TAS2R1: variants seen among roughly 807,000 people sequenced by gnomAD.
The protein encoded by TAS2R1 is taste receptor type 2 member 1.
For synonymous variants in TAS2R1, 141 were observed against 134.2 expected (o/e 1.05, Z -0.35); for missense variants, 370 against 353.4 (o/e 1.05, Z -0.38).
chr5:9,754,030 C>A, the TAS2R1 span, among the ~76,000 whole-genome samples: 2 of 152,154 alleles, frequency 1.3e-5, no homozygotes, highest in Non-Finnish European at 2.9e-5. Context: ...CAAACCAAAT[C>A]CAGCAGCACA....
chr5:9,881,553 A>C, the TAS2R1 span, among the ~76,000 whole-genome samples: 1 of 152,342 alleles, frequency 6.6e-6, no homozygotes, highest in Admixed American at 6.5e-5. Flanking sequence ...TAGCCAAGAC[A>C]ATCCTAAGCA....
At chr5:9,748,147 G>C in the TAS2R1 span, among the ~76,000 whole-genome samples, 1 of 152,066 alleles carries the variant, frequency 6.6e-6, no homozygotes, top group African/African-American at 2.4e-5. Context: ...TTTGAAAGGA[G>C]AGCTATTCTA....
At position 9,694,359 on chromosome 5, in the gene TAS2R1, T is replaced by C. The variant is rs538614221; in HGVS notation, c.-242+17813A>G. Reference sequence around the variant, plus strand: ...AATCAAACAAGACATAAACCAAAAATGACTTATTGTCTTTAGCTTAGGAGC... The same window carrying C: ...AATCAAACAAGACATAAACCAAAAACGACTTATTGTCTTTAGCTTAGGAGC... On this transcript the variant is annotated intron_variant, in intron 1 of 2. Coordinates refer to the TAS2R1 transcript ENST00000506620. 3.3e-5 allele frequency among the ~76,000 whole-genome samples: 5 copies of C among 152,290 alleles called. No individual in the cohort carries two copies. In the East Asian group the frequency reaches 9.6e-4, roughly 29 times the overall value.
intron 2 of TAS2R1, among the ~76,000 whole-genome samples, chr5:9,654,693 G>A (rs549498873): frequency 6.6e-6 from 1 of 152,258 alleles, no homozygotes; most frequent in South Asian, 2.1e-4. Context: ...AGCCACTAGA[G>A]AAAGATAAAG....
the TAS2R1 span, among the ~76,000 whole-genome samples, chr5:9,764,028 T>C: frequency 6.6e-6 from 1 of 152,220 alleles, no homozygotes; most frequent in Non-Finnish European, 1.5e-5. Flanking sequence ...TGAAATGACC[T>C]CCTATGCTTT....
chr5:9,650,195 T>G (rs1400328089), intron 2 of TAS2R1, among the ~76,000 whole-genome samples: 2 of 152,174 alleles, frequency 1.3e-5, no homozygotes, highest in Non-Finnish European at 2.9e-5. Context: ...AAACAATATA[T>G]TCTAACGTTG....
At chr5:9,633,295 T>TAC (rs1491238052), upstream of TAS2R1, among the ~76,000 whole-genome samples, 1 of 49,198 alleles carries the variant, frequency 2.0e-5, no homozygotes, top group Non-Finnish European at 3.7e-5. Context: ...GTGTGTATAT[T>TAC]ATATATATAT....
intron 1 of TAS2R1, among the ~76,000 whole-genome samples, chr5:9,691,465 A>T (rs888332826): frequency 2.0e-5 from 3 of 152,292 alleles, no homozygotes; most frequent in African/African-American, 4.8e-5. Flanking sequence ...GGACGCAGAC[A>T]CAGGCATTCA....
chr5:9,848,152 C>T, the TAS2R1 span, among the ~76,000 whole-genome samples: 1 of 152,210 alleles, frequency 6.6e-6, no homozygotes, highest in African/African-American at 2.4e-5. Flanking sequence ...TGAAGTAACT[C>T]TTATCACTGC....
chr5:9,899,170 C>T, the TAS2R1 span, among the ~76,000 whole-genome samples: 1 of 152,066 alleles, frequency 6.6e-6, no homozygotes, highest in African/African-American at 2.4e-5. Flanking sequence ...ACAGTATGAG[C>T]TTAAGGATGG....
the TAS2R1 span, among the ~76,000 whole-genome samples, chr5:9,878,692 C>G: frequency 3.9e-5 from 6 of 152,210 alleles, no homozygotes; most frequent in Admixed American, 3.9e-4. Flanking sequence ...AGGAGGTCAG[C>G]TGGGCTTCCT....
the TAS2R1 span, among the ~76,000 whole-genome samples, chr5:9,847,799 C>T: frequency 6.6e-6 from 1 of 152,328 alleles, no homozygotes; most frequent in Admixed American, 6.5e-5. Context: ...TGGGCCATAG[C>T]CACACTAAGA....
chr5:9,654,032 C>G (rs1740359764), intron 2 of TAS2R1, among the ~76,000 whole-genome samples: 1 of 152,126 alleles, frequency 6.6e-6, no homozygotes, highest in South Asian at 2.1e-4. Context: ...CTGAGCTGCT[C>G]TGGTGGCGTG....
At chr5:9,683,463 C>T (rs1259545639) in intron 1 of TAS2R1, among the ~76,000 whole-genome samples, 3 of 152,110 alleles carry the variant, frequency 2.0e-5, no homozygotes, top group Admixed American at 6.6e-5. Flanking sequence ...ACAGAGTCCT[C>T]GAGGCCAGTG....
chr5:9,721,790 C>T, the TAS2R1 span, among the ~76,000 whole-genome samples: 1 of 152,110 alleles, frequency 6.6e-6, no homozygotes, highest in African/African-American at 2.4e-5. Flanking sequence ...ATGAAATAGG[C>T]TCAATATTTC....
At chr5:9,742,011 T>C in the TAS2R1 span, among the ~76,000 whole-genome samples, 6 of 152,162 alleles carry the variant, frequency 3.9e-5, no homozygotes, top group African/African-American at 1.4e-4. Flanking sequence ...TTCTCCTGCC[T>C]CAGCCTCCCG....
the TAS2R1 span, among the ~76,000 whole-genome samples, chr5:9,834,065 C>G: frequency 3.0e-4 from 45 of 152,200 alleles, no homozygotes; most frequent in African/African-American, 1.1e-3. Context: ...CCCAGCTGCT[C>G]CCTTAATCTT....
the TAS2R1 span, among the ~76,000 whole-genome samples, chr5:9,898,396 G>C: frequency 6.6e-6 from 1 of 152,150 alleles, no homozygotes; most frequent in South Asian, 2.1e-4. Context: ...TTCTTTAAGA[G>C]AGAGGGACGA....
At chr5:9,857,004 C>T in the TAS2R1 span, among the ~76,000 whole-genome samples, 1 of 152,038 alleles carries the variant, frequency 6.6e-6, no homozygotes, top group Non-Finnish European at 1.5e-5. Flanking sequence ...AACTGGTGGC[C>T]ATTATGTAAA....
Sources: allele counts gnomAD v4.1 joint callset (sites outside exome capture counted in the v4.1 genomes callset), GRCh38; gene constraint gnomAD v4.1.1; transcripts MANE v1.5; gene names NCBI Gene and HGNC (gene_info 2026-07-23, HGNC 2026-07-21).